Variants in VPS13B observed in about 807,000 individuals in gnomAD.
VPS13B encodes the protein intermembrane lipid transfer protein VPS13B.
In VPS13B, 285 loss-of-function variants were observed where a neutral mutation model predicts 426.4. That is an observed-to-expected ratio of 0.67 (90% CI 0.61 to 0.74). VPS13B has a LOEUF of 0.74. Among genes scored for constraint, VPS13B ranks in the 30% least tolerant of loss-of-function variants. The probability of loss-of-function intolerance (pLI) is 0.00; values close to 1 mark genes in which losing one functional copy is unlikely to be tolerated. For synonymous variants in VPS13B, 1,676 were observed against 1,676.4 expected (o/e 1.00, Z 0.01); for missense variants, 4,537 against 4,782.6 (o/e 0.95, Z 1.51).
At chr8:99,695,795 A>G (rs1452729488) in intron 35 of VPS13B, among the ~76,000 whole-genome samples, 1 of 151,916 alleles carries the variant, frequency 6.6e-6, no homozygotes, top group Non-Finnish European at 1.5e-5. Flanking sequence ...GGACCCTGAG[A>G]GAGCCTGGGT....
chr8:99,340,760 G>C, intron 19 of VPS13B: 1 of 344,402 alleles, frequency 2.9e-6, no homozygotes, highest in South Asian at 2.9e-5. Flanking sequence ...CTGGCACTTG[G>C]GCGAGGTGAC....
chr8:99,338,842 A>G (rs1314040037), intron 19 of VPS13B, among the ~76,000 whole-genome samples: 1 of 152,178 alleles, frequency 6.6e-6, no homozygotes, highest in African/African-American at 2.4e-5. Context: ...GGTCCATTAC[A>G]TACAGGAAGA....
chr8:99,694,769 C>A (rs1312622285), intron 35 of VPS13B, among the ~76,000 whole-genome samples: 7 of 152,048 alleles, frequency 4.6e-5, no homozygotes, highest in African/African-American at 9.7e-5. Context: ...CAACCTACAA[C>A]ATGGGAGAAA....
chr8:99,338,190 C>G (rs1438366804), intron 19 of VPS13B, among the ~76,000 whole-genome samples: 1 of 151,922 alleles, frequency 6.6e-6, no homozygotes, highest in South Asian at 2.1e-4. Context: ...TTTTTGTTTT[C>G]TTTCTATATT....
chr8:99,261,337 G>A (rs2132950663), intron 17 of VPS13B, among the ~76,000 whole-genome samples: 1 of 152,158 alleles, frequency 6.6e-6, no homozygotes, highest in Admixed American at 6.5e-5. Context: ...TGTTTCTGTA[G>A]TTTTGCCTTT....
chr8:99,717,309 G>A lies in VPS13B; in HGVS notation c.6593G>A (p.Gly2198Glu). Residue 2198 changes from glycine (G) to glutamate (E), a missense_variant, in exon 37 of 62, where the codon GGG (glycine) becomes GAG (glutamate). By Grantham distance (98) the Gly-to-Glu change is moderately conservative. Around this residue, in one of 2 missense-constraint regions of VPS13B, gnomAD observed 4,311 missense variants for 4,474.3 expected, o/e 0.96. Coordinates refer to ENST00000357162, the MANE Select transcript of VPS13B (RefSeq NM_152564.5). ...GAAGCTAAGTGGTGTAAACACAGCGGGAATCCAGGCCCAGAACAATCCATA... is the reference window on the plus strand; with the variant it reads ...GAAGCTAAGTGGTGTAAACACAGCGAGAATCCAGGCCCAGAACAATCCATA... ...NLEAKWCKHS[G>E]NPGPEQSIPK... The A allele has an allele frequency of 1.2e-6, 2 of 1,614,026 alleles. No individual in the cohort carries two copies. Among genetic ancestry groups the A allele is most frequent in the Non-Finnish European group, 1.7e-6 (2 of 1,179,954 alleles).
chr8:99,077,553 A>G (rs931300384), intron 3 of VPS13B, among the ~76,000 whole-genome samples: 1 of 152,118 alleles, frequency 6.6e-6, no homozygotes, highest in Non-Finnish European at 1.5e-5. Context: ...TGAATATATT[A>G]TCTCATTCTC....
At chr8:99,084,239 G>A (rs555539843) in intron 3 of VPS13B, among the ~76,000 whole-genome samples, 29 of 152,228 alleles carry the variant, frequency 1.9e-4, no homozygotes, top group Non-Finnish European at 2.8e-4. Flanking sequence ...GTTTATTTGC[G>A]CAGAGGTGTT....
chr8:99,428,403 A>T (rs1372784773), intron 21 of VPS13B, among the ~76,000 whole-genome samples: 1 of 152,214 alleles, frequency 6.6e-6, no homozygotes, highest in Non-Finnish European at 1.5e-5. Flanking sequence ...CAAAGGGCTA[A>T]TATCCAGAAT....
chr8:99,833,591 T>C (rs904846820), intron 52 of VPS13B, among the ~76,000 whole-genome samples: 5 of 152,210 alleles, frequency 3.3e-5, no homozygotes, highest in Admixed American at 6.5e-5. Flanking sequence ...ACATTTGTCA[T>C]CTTTTACACT....
intron 19 of VPS13B, among the ~76,000 whole-genome samples, chr8:99,361,508 T>C (rs1812554918): frequency 6.6e-6 from 1 of 152,206 alleles, no homozygotes; most frequent in South Asian, 2.1e-4. Flanking sequence ...TAGAAGCCAG[T>C]GTCCTTAAAG....
At chr8:99,517,224 T>C (rs1200785271) in intron 29 of VPS13B, among the ~76,000 whole-genome samples, 1 of 152,210 alleles carries the variant, frequency 6.6e-6, no homozygotes, top group Non-Finnish European at 1.5e-5. Flanking sequence ...AACACTTTTA[T>C]TCAGGTTGGA....
At chr8:99,188,766 G>C (rs1813371724) in intron 16 of VPS13B, among the ~76,000 whole-genome samples, 1 of 152,104 alleles carries the variant, frequency 6.6e-6, no homozygotes, top group Non-Finnish European at 1.5e-5. Context: ...CATCCCTTCT[G>C]ATGGGTATGA....
chr8:99,627,926 C>T (rs116059316), intron 33 of VPS13B, among the ~76,000 whole-genome samples: 68 of 152,278 alleles, frequency 4.5e-4, no homozygotes, highest in African/African-American at 1.4e-3. Flanking sequence ...CTACGCACCC[C>T]TCAACCACTG....
chr8:99,714,996 C>T (rs1363918108), intron 36 of VPS13B, among the ~76,000 whole-genome samples: 1 of 151,772 alleles, frequency 6.6e-6, no homozygotes, highest in East Asian at 1.9e-4. Flanking sequence ...AGTATTTGTA[C>T]TAAAGGTACA....
chr8:99,053,956 G>A (rs1325511000), intron 3 of VPS13B, among the ~76,000 whole-genome samples: 4 of 152,044 alleles, frequency 2.6e-5, no homozygotes, highest in African/African-American at 7.2e-5. Flanking sequence ...CTCCTGCCTC[G>A]GCCTCCCAAA....
At chr8:99,135,174 A>G (rs199918586) in intron 10 of VPS13B, 37 bp downstream of exon 10, 22 of 1,611,408 alleles carry the variant, frequency 1.4e-5, no homozygotes, top group East Asian at 4.5e-5. Flanking sequence ...TGGATAGGAT[A>G]TAGGAATAAT....
At chr8:99,654,472 A>G (rs1588591967) in intron 34 of VPS13B, among the ~76,000 whole-genome samples, 1 of 152,354 alleles carries the variant, frequency 6.6e-6, no homozygotes, top group East Asian at 1.9e-4. Flanking sequence ...CAAATTAGCC[A>G]TTTAAACTAT....
chr8:99,835,349 G>C, intron 53 of VPS13B, 25 bp downstream of exon 53: 1 of 1,601,238 alleles, frequency 6.2e-7, no homozygotes, highest in Non-Finnish European at 8.6e-7. Context: ...ATCGAATTTA[G>C]ATAATACTAA....
Sources: gnomAD v4.1 joint callset for allele counts (sites outside exome capture counted in the v4.1 genomes callset) on GRCh38, gnomAD v4.1.1 for gene constraint, gnomAD v4.1.1 regional missense constraint, MANE v1.5 for transcripts, NCBI Gene and HGNC (gene_info 2026-07-23, HGNC 2026-07-21) for gene names.